Variants in SLC33A1 observed in about 807,000 individuals in gnomAD.
The protein encoded by SLC33A1 is solute carrier family 33 member 1.
SLC33A1 carries 20 observed loss-of-function variants against 50.0 expected under a neutral mutation model. The ratio of observed to expected loss-of-function variants is 0.40; its 90% CI spans 0.28 to 0.58. The LOEUF (loss-of-function observed/expected upper bound fraction) is 0.58, where lower values mean the gene tolerates loss of function less well. Ranked by LOEUF, SLC33A1 falls within the 20% of genes least tolerant of loss-of-function variation. SLC33A1 has a pLI of 0.44. For synonymous variants in SLC33A1, 265 were observed against 251.8 expected (o/e 1.05, Z -0.50); for missense variants, 476 against 657.0 (o/e 0.72, Z 3.01).
chr3:155,854,060 G>C lies in SLC33A1; in HGVS notation c.-63C>G. ...AGGCTGAGCGTTTTGGATCCGTCCA[G>C]TCCCAGGTCCAAGGCTGTCGCGCTG... On this transcript the variant is annotated 5_prime_UTR_variant, in exon 1 of 6. Coordinates refer to ENST00000643144, the MANE Select transcript of SLC33A1 (RefSeq NM_004733.4). The C allele has an allele frequency of 7.2e-7, 1 of 1,385,406 alleles. No individual in the cohort carries two copies. The highest frequency in any genetic ancestry group is 1.4e-5 in the African/African-American group (1 of 69,278). The allele number at this position is 1,385,406 out of a possible 1,614,324, so 85.8% of individuals were successfully genotyped here. A position where few individuals can be genotyped will look rare whatever the true frequency, so the allele number is the denominator to read the frequency against.
intron 2 of SLC33A1, among the ~76,000 whole-genome samples, chr3:155,837,624 G>T (rs1752735631): frequency 6.6e-6 from 1 of 152,120 alleles, no homozygotes; most frequent in South Asian, 2.1e-4. Flanking sequence ...CTAAAAATCT[G>T]TTGATAGAAT....
At chr3:155,839,704 T>C (rs1752848558) in intron 2 of SLC33A1, among the ~76,000 whole-genome samples, 2 of 152,126 alleles carry the variant, frequency 1.3e-5, no homozygotes, top group Non-Finnish European at 2.9e-5. Flanking sequence ...ATCCCAGGAC[T>C]TCGGGAGTCT....
chr3:155,825,957 A>G lies in SLC33A1; in HGVS notation c.*2253T>C, dbSNP rs1752185875. The stretch of plus-strand genomic sequence containing the variant: ...ATAGCTATTAACAAGTTATTTTGAC[A>G]TGCATTACATACATGTATTCAAATT... On this transcript the variant is annotated 3_prime_UTR_variant, in exon 6 of 6. Transcript: ENST00000643144. The G allele has an allele frequency of 6.6e-6, 1 of 152,260 alleles. No individual in the cohort carries two copies. Among genetic ancestry groups the G allele is most frequent in the Admixed American group, 6.5e-5 (1 of 15,282 alleles). 9.4% of individuals were successfully genotyped at this position (152,260 alleles called of 1,614,324 possible). A position where few individuals can be genotyped will look rare whatever the true frequency, so the allele number is the denominator to read the frequency against.
intron 4 of SLC33A1, among the ~76,000 whole-genome samples, chr3:155,830,391 A>T (rs1752379817): frequency 1.3e-5 from 2 of 151,660 alleles, no homozygotes; most frequent in South Asian, 2.1e-4. Context: ...TAAATAAATA[A>T]AAATAAATAA....
Position 155,833,570 on chromosome 3 carries a change from TA to T in SLC33A1, c.1163del (p.Leu388Ter). On this transcript the variant is annotated frameshift_variant, in exon 4 of 6. Transcript: ENST00000643144. LOFTEE classifies it high-confidence loss of function. Reference protein sequence around the residue: ...KAMPYRLLLGLEYALLVWWTP... With the variant: ...KAMPYRLLLGXEYALLVWWTP... ...TCCACCAAACCAGTAGGGCATATTC[TA>T]ACCCAAGCAATAATCTATAGAGAAA... is the stretch of plus-strand genomic sequence containing the variant. The T allele has an allele frequency of 6.3e-7, 1 of 1,576,392 alleles. No homozygotes were observed. Among genetic ancestry groups the T allele is most frequent in the Non-Finnish European group, 8.7e-7 (1 of 1,145,966 alleles).
Position 155,853,889 on chromosome 3 carries a change from C to T in SLC33A1, c.109G>A (p.Asp37Asn). The stretch of plus-strand genomic sequence containing the variant: ...CGGCCCGCTGAGTCCAAATGACTGT[C>T]ATCCCAACCGCCTGGCGGCAGGGGA... ...SGPLPPGGWDDSHLDSAGREG... is the reference protein window; with the variant it reads ...SGPLPPGGWDNSHLDSAGREG... The change falls in exon 1 of 6, where the codon GAC becomes AAC. Residue 37 changes from aspartate to asparagine, a missense_variant. By Grantham distance (23) the Asp-to-Asn change is conservative. Transcript: ENST00000643144. The T allele has an allele frequency of 1.3e-6, 2 of 1,554,388 alleles. No individual in the cohort carries two copies. Among genetic ancestry groups the T allele is most frequent in the South Asian group, 2.5e-5 (2 of 81,020 alleles).
In SLC33A1 at chr3:155,821,472, C is replaced by T. The variant is rs1162998946; in HGVS notation, c.*6738G>A. On this transcript the variant is annotated 3_prime_UTR_variant, in exon 6 of 6. Transcript: ENST00000643144. ...TATCAATTTACCAAATATGCCACTT[C>T]CTTTTTTTTTTTGAGACAGAGTTTC... 1 of 152,064 alleles carries T rather than the reference C, an allele frequency of 6.6e-6. No individual in the cohort carries two copies. The highest frequency in any genetic ancestry group is 2.4e-5 in the African/African-American group (1 of 41,404). 9.4% of individuals were successfully genotyped at this position (152,064 alleles called of 1,614,324 possible). A position where few individuals can be genotyped will look rare whatever the true frequency, so the allele number is the denominator to read the frequency against.
chr3:155,850,075 C>G (rs781389158), intron 1 of SLC33A1, among the ~76,000 whole-genome samples: 1 of 151,558 alleles, frequency 6.6e-6, no homozygotes, highest in East Asian at 2.0e-4. Context: ...GTGGCGCGAT[C>G]TCAGCTCACT....
chr3:155,829,634 GAT>G, intron 5 of SLC33A1, 52 bp downstream of exon 5: 2 of 1,248,332 alleles, frequency 1.6e-6, no homozygotes, highest in Non-Finnish European at 1.2e-6. Context: ...ACAAAACAAA[GAT>G]ATTAATATCT....
In SLC33A1 at chr3:155,822,090, T is replaced by C. The variant is rs1318504774; in HGVS notation, c.*6120A>G. 6.6e-6 allele frequency: 1 copy of C among 152,152 alleles called. No homozygotes were observed. The highest frequency in any genetic ancestry group is 2.4e-5 in the African/African-American group (1 of 41,444). 9.4% of individuals were successfully genotyped at this position (152,152 alleles called of 1,614,324 possible). A position where few individuals can be genotyped will look rare whatever the true frequency, so the allele number is the denominator to read the frequency against. Reference sequence around the variant, plus strand: ...ACCTGGTTCAAATATGCCACTTTCTTAAATATCAAATTTTTTTCCAATCTT... The same window carrying C: ...ACCTGGTTCAAATATGCCACTTTCTCAAATATCAAATTTTTTTCCAATCTT... On this transcript the variant is annotated 3_prime_UTR_variant, in exon 6 of 6. Coordinates refer to ENST00000643144, the MANE Select transcript of SLC33A1 (RefSeq NM_004733.4).
chr3:155,847,662 C>T (rs1419845090), intron 1 of SLC33A1, among the ~76,000 whole-genome samples: 5 of 151,948 alleles, frequency 3.3e-5, no homozygotes. Flanking sequence ...GCAGGAGAAT[C>T]GCTTGAACCT....
In SLC33A1 at chr3:155,854,026, G is replaced by C. The variant is rs749338004; in HGVS notation, c.-29C>G. 7.0e-5 allele frequency: 107 copies of C among 1,520,582 alleles called. No individual in the cohort carries two copies. The highest frequency in any genetic ancestry group is 9.1e-5 in the Non-Finnish European group (104 of 1,137,786). The allele number at this position is 1,520,582 out of a possible 1,614,324, so 94.2% of individuals were successfully genotyped here. Reference sequence around the variant, plus strand: ...AGAGACGATGCAGAGCCCCGTCTGTGGGGGGCCGAGGCTGAGCGTTTTGGA... The same window carrying C: ...AGAGACGATGCAGAGCCCCGTCTGTCGGGGGCCGAGGCTGAGCGTTTTGGA... On this transcript the variant is annotated 5_prime_UTR_variant, in exon 1 of 6. Coordinates refer to ENST00000643144, the MANE Select transcript of SLC33A1 (RefSeq NM_004733.4).
chr3:155,845,825 A>G (rs1010408980), intron 1 of SLC33A1, among the ~76,000 whole-genome samples: 1 of 152,192 alleles, frequency 6.6e-6, no homozygotes, highest in Admixed American at 6.5e-5. Flanking sequence ...TTTCATTATT[A>G]ACATTTTGGT....
At position 155,851,971 on chromosome 3, in the gene SLC33A1, T is replaced by C. The variant is rs530656239; in HGVS notation, c.775+1252A>G. On this transcript the variant is annotated intron_variant, in intron 1 of 5. Coordinates refer to ENST00000643144, the MANE Select transcript of SLC33A1 (RefSeq NM_004733.4). Reference sequence around the variant, plus strand: ...CACCACCACATACCTGGACATTTACTCTACTGTGAATTTCCAAGGTAGCAC... The same window carrying C: ...CACCACCACATACCTGGACATTTACCCTACTGTGAATTTCCAAGGTAGCAC... Among the ~76,000 whole-genome samples the C allele has an allele frequency of 1.2e-3, 188 of 152,316 alleles. 2 individuals carry two copies. Among genetic ancestry groups the C allele is most frequent in the African/African-American group, 4.3e-3 (180 of 41,568 alleles).
chr3:155,831,096 C>T (rs1752410306), intron 4 of SLC33A1, among the ~76,000 whole-genome samples: 1 of 152,078 alleles, frequency 6.6e-6, no homozygotes. Context: ...GGGATTTGGG[C>T]ATGATTTATT....
intron 2 of SLC33A1, among the ~76,000 whole-genome samples, chr3:155,836,304 A>C (rs1392703926): frequency 3.5e-4 from 50 of 142,208 alleles, no homozygotes; most frequent in Non-Finnish European, 6.1e-4. Flanking sequence ...AAAAAAAAAA[A>C]AAAAAAAAAG....
intron 4 of SLC33A1, among the ~76,000 whole-genome samples, chr3:155,831,092 T>A (rs1043452497): frequency 2.6e-5 from 4 of 152,146 alleles, no homozygotes; most frequent in African/African-American, 9.7e-5. Flanking sequence ...GGCAGGGATT[T>A]GGGCATGATT....
Position 155,825,027 on chromosome 3 carries a change from T to C in SLC33A1, c.*3183A>G, listed in dbSNP as rs1374549748. Reference sequence around the variant, plus strand: ...AAGGCTGGACGACTGCTTGAAGCTATGAGATTGGGACTAGCCTGGAAAATA... The same window carrying C: ...AAGGCTGGACGACTGCTTGAAGCTACGAGATTGGGACTAGCCTGGAAAATA... On this transcript the variant is annotated 3_prime_UTR_variant, in exon 6 of 6. Transcript: ENST00000643144. 6.6e-6 allele frequency: 1 copy of C among 152,118 alleles called. No individual in the cohort carries two copies. Among genetic ancestry groups the C allele is most frequent in the Non-Finnish European group, 1.5e-5 (1 of 68,032 alleles). The allele number at this position is 152,118 out of a possible 1,614,324, so 9.4% of individuals were successfully genotyped here. A position where few individuals can be genotyped will look rare whatever the true frequency, so the allele number is the denominator to read the frequency against.
At chr3:155,831,441 G>A (rs1406611896) in intron 4 of SLC33A1, among the ~76,000 whole-genome samples, 1 of 104,074 alleles carries the variant, frequency 9.6e-6, no homozygotes, top group Non-Finnish European at 1.7e-5. Flanking sequence ...CTGGGCAACA[G>A]AGTGAGACTC....
Sources: allele counts gnomAD v4.1 joint callset (sites outside exome capture counted in the v4.1 genomes callset), GRCh38; gene constraint gnomAD v4.1.1; transcripts MANE v1.5; gene names NCBI Gene and HGNC (gene_info 2026-07-23, HGNC 2026-07-21).